The following SPI1 variants were observed in gnomAD, a reference collection of about 807,000 sequenced individuals.
The protein encoded by SPI1 is transcription factor PU.1.
SPI1 carries 3 observed loss-of-function variants against 30.7 expected under a neutral mutation model. The observed-to-expected ratio is 0.10, with a 90% CI of 0.04 to 0.25. The LOEUF is 0.25. Among genes scored for constraint, SPI1 ranks in the 10% least tolerant of loss-of-function variants. SPI1 has a pLI of 1.00. For missense variants in SPI1, 261 were observed against 371.5 expected (o/e 0.70, Z 2.45); for synonymous variants, 169 against 157.1 (o/e 1.08, Z -0.56).
chr11:47,376,112 C>T (rs982761497), intron 1 of SPI1, among the ~76,000 whole-genome samples: 5 of 152,004 alleles, frequency 3.3e-5, no homozygotes, highest in Non-Finnish European at 7.4e-5. Flanking sequence ...TAATCCCACA[C>T]GAGGACTCAC....
chr11:47,358,629 A>G (rs1367017270), intron 4 of SPI1: 1 of 706,816 alleles, frequency 1.4e-6, no homozygotes, highest in Non-Finnish European at 2.6e-6. Context: ...CACACCTGGC[A>G]CACTTCATGG....
rs749507809 is a variant in SPI1 at position 47,359,913 on chromosome 11, C to T, written c.270G>A (p.Leu90=). The T allele has an allele frequency of 6.2e-7, 1 of 1,611,084 alleles. No individual in the cohort carries two copies. The highest frequency in any genetic ancestry group is 1.7e-5 in the Admixed American group (1 of 60,006). Residue 90 remains leucine, a synonymous_variant, in exon 3 of 5, where the codon CTG becomes CTA. Transcript: ENST00000378538. This position sits in a 1 kb window ranked among gnomAD's most constrained non-coding sequence, Gnocchi z 5.1. The part of the protein sequence containing the change: ...QLQQLYRHME[L]EQMHVLDTPM... ...GGGTATCGAGGACGTGCATCTGCTC[C>T]AGCTCCATGTGGCGGTAGAGCTGCT...
chr11:47,368,821 A>G (rs921164666), intron 2 of SPI1, among the ~76,000 whole-genome samples: 17 of 152,234 alleles, frequency 1.1e-4, no homozygotes, highest in African/African-American at 4.1e-4. Flanking sequence ...CAAGATGAAA[A>G]TAATTATAGA....
At position 47,356,608 on chromosome 11, in the gene SPI1, C is replaced by T. The variant is rs528638068; in HGVS notation, c.494-1062G>A. Among the ~76,000 whole-genome samples, 56 of 151,600 alleles carry T rather than the reference C, an allele frequency of 3.7e-4. 1 individual carries two copies. The highest frequency in any genetic ancestry group is 1.2e-3 in the African/African-American group (50 of 41,260). On this transcript the variant is annotated intron_variant, in intron 4 of 4. Transcript: ENST00000378538. ...ACACCAGGTCTCATAATCACACCTG[C>T]TTATACTTGCTTACACATGCTTGCA...
At chr11:47,361,107 C>T (rs2095920145) in intron 2 of SPI1, among the ~76,000 whole-genome samples, 1 of 151,648 alleles carries the variant, frequency 6.6e-6, no homozygotes, top group African/African-American at 2.4e-5. Flanking sequence ...GGCGACGGAG[C>T]GAGACTCCGT....
In SPI1 at chr11:47,366,842, GAA is replaced by G. The variant is rs1470054231; in HGVS notation, c.143-6804_143-6803del. On this transcript the variant is annotated intron_variant, in intron 2 of 4. Transcript: ENST00000378538. ...GTCTCAAAAAGAAAAGAAAAGAAAA[GAA>G]AAGAAAAGAAACAGGCTCAGAGAAC... is the stretch of plus-strand genomic sequence containing the variant. Among the ~76,000 whole-genome samples the G allele has an allele frequency of 2.4e-4, 37 of 151,564 alleles. No individual in the cohort carries two copies. In the East Asian group the frequency reaches 2.5e-3, roughly 10 times the overall value.
Position 47,378,413 on chromosome 11 carries a change from TC to T in SPI1, c.-61del. 1 of 1,565,562 alleles carries T rather than the reference TC, an allele frequency of 6.4e-7. No homozygotes were observed. The highest frequency in any genetic ancestry group is 8.7e-7 in the Non-Finnish European group (1 of 1,149,722). On this transcript the variant is annotated 5_prime_UTR_variant, in exon 1 of 5. Coordinates refer to ENST00000378538, the MANE Select transcript of SPI1 (RefSeq NM_003120.3). ...TCGGTGGGGGCCAATGCAGAGCCCC[TC>T]AGGATGGGGTGCCCCGTCAGGGGCT...
rs556191578 is a variant in SPI1 at position 47,359,706 on chromosome 11, G to A, written c.330+147C>T. 4.6e-5 allele frequency: 37 copies of A among 807,124 alleles called. No homozygotes were observed. In the Middle Eastern group the frequency reaches 1.9e-3, roughly 41 times the overall value. The allele number at this position is 807,124 out of a possible 1,614,324, so 50.0% of individuals were successfully genotyped here. The stretch of plus-strand genomic sequence containing the variant: ...CATGAGGTCACTTGGGGGGTCAGGC[G>A]GCAGCCGTTGGAGCTCCAGCCGCCG... On this transcript the variant is annotated intron_variant, in intron 3 of 4. Transcript: ENST00000378538. The surrounding 1 kb of genome is among the most constrained non-coding windows in gnomAD (Gnocchi z 5.1).
intron 2 of SPI1, among the ~76,000 whole-genome samples, 189 bp from the exon 3 acceptor site, chr11:47,360,229 T>C (rs534109065): frequency 6.6e-6 from 1 of 152,230 alleles, no homozygotes; most frequent in Non-Finnish European, 1.5e-5. Context: ...AGCGGCTACA[T>C]AGCATGCCCA....
In SPI1 at chr11:47,374,585, G is replaced by A. The variant is rs1314723363; in HGVS notation, c.142+1048C>T. ...AGGAGTGACACCTTCCTAGGCTGTG[G>A]GCCTCTGCCCTCTGAGGTGCAGACA... On this transcript the variant is annotated intron_variant, in intron 2 of 4. Transcript: ENST00000378538. This position sits in a 1 kb window ranked among gnomAD's most constrained non-coding sequence, Gnocchi z 4.5. 6.6e-6 allele frequency among the ~76,000 whole-genome samples: 1 copy of A among 151,888 alleles called. No homozygotes were observed. The highest frequency in any genetic ancestry group is 1.9e-4 in the East Asian group (1 of 5,194).
At chr11:47,378,232 G>A in intron 1 of SPI1, 77 bp downstream of exon 1, 1 of 1,482,262 alleles carries the variant, frequency 6.7e-7, no homozygotes, top group Non-Finnish European at 9.4e-7. Context: ...GCAGTGGGTG[G>A]GCTGGCGGGT....
chr11:47,374,512 A>C lies in SPI1; in HGVS notation c.142+1121T>G, dbSNP rs1238683830. 6.6e-6 allele frequency among the ~76,000 whole-genome samples: 1 copy of C among 152,156 alleles called. No individual in the cohort carries two copies. Among genetic ancestry groups the C allele is most frequent in the Non-Finnish European group, 1.5e-5 (1 of 68,028 alleles). On this transcript the variant is annotated intron_variant, in intron 2 of 4. Transcript: ENST00000378538. The surrounding 1 kb of genome is among the most constrained non-coding windows in gnomAD (Gnocchi z 4.5). ...ATCAGGTTTAGACCGCCACAGGTGC[A>C]TCTGCAGAATGGAGCTACAGGCATG...
Position 47,358,913 on chromosome 11 carries a change from G to C in SPI1, c.424C>G (p.Pro142Ala). Residue 142 changes from proline (P) to alanine (A), a missense_variant, in exon 4 of 5, where the codon CCA becomes GCA. By Grantham distance (27) the Pro-to-Ala change is conservative. This residue lies in a region of SPI1 where 106 missense variants were observed against 102.0 expected (regional missense o/e 1.04). Coordinates refer to ENST00000378538, the MANE Select transcript of SPI1 (RefSeq NM_003120.3). ...GCCTCGCCGTCAGACACCTCCAGTG[G>C]GGGGCTCTGCCGCTCGCCCTCCTCC... The part of the protein sequence containing the change: ...DEEEGERQSP[P>A]LEVSDGEADG... 6.4e-7 allele frequency: 1 copy of C among 1,565,178 alleles called. No individual in the cohort carries two copies. Among genetic ancestry groups the C allele is most frequent in the Non-Finnish European group, 8.7e-7 (1 of 1,155,798 alleles).
chr11:47,357,301 C>T (rs1043119525), intron 4 of SPI1, among the ~76,000 whole-genome samples: 28 of 151,634 alleles, frequency 1.8e-4, no homozygotes, highest in African/African-American at 4.9e-4. Flanking sequence ...ATCACTCACA[C>T]GCTCACACCA....
chr11:47,355,162 C>T lies in SPI1; in HGVS notation c.*65G>A. 1.6e-6 allele frequency: 2 copies of T among 1,229,376 alleles called. No homozygotes were observed. Among genetic ancestry groups the T allele is most frequent in the African/African-American group, 3.2e-5 (2 of 62,776 alleles). The allele number at this position is 1,229,376 out of a possible 1,614,324, so 76.2% of individuals were successfully genotyped here. A position where few individuals can be genotyped will look rare whatever the true frequency, so the allele number is the denominator to read the frequency against. Reference sequence around the variant, plus strand: ...CGGGAGCGTCCTCCCTGTGTCCGGGCCGGGCGAGGGCTTAATGCTATGGCC... The same window carrying T: ...CGGGAGCGTCCTCCCTGTGTCCGGGTCGGGCGAGGGCTTAATGCTATGGCC... On this transcript the variant is annotated 3_prime_UTR_variant, in exon 5 of 5. Transcript: ENST00000378538.
intron 2 of SPI1, among the ~76,000 whole-genome samples, chr11:47,369,572 A>AC (rs397824434): frequency 6.7e-6 from 1 of 150,252 alleles, no homozygotes; most frequent in African/African-American, 2.5e-5. Context: ...AAAAAAAAAA[A>AC]CAACAAATGA....
chr11:47,376,707 G>A (rs372074492), intron 1 of SPI1, among the ~76,000 whole-genome samples: 12 of 151,850 alleles, frequency 7.9e-5, no homozygotes, highest in East Asian at 7.7e-4. Flanking sequence ...ACACAGGGCC[G>A]TGCACACCCA....
chr11:47,365,336 G>A (rs2095926730), intron 2 of SPI1, among the ~76,000 whole-genome samples: 1 of 152,124 alleles, frequency 6.6e-6, no homozygotes, highest in African/African-American at 2.4e-5. Context: ...CTACAGACCG[G>A]TAGGCACCCA....
intron 4 of SPI1, among the ~76,000 whole-genome samples, chr11:47,357,341 ACT>A (rs1296848591): frequency 2.9e-5 from 2 of 68,242 alleles, no homozygotes; most frequent in African/African-American, 5.2e-5. Flanking sequence ...ACACCTGCTC[ACT>A]CATATTTCAC....
Sources: allele counts gnomAD v4.1 joint callset (sites outside exome capture counted in the v4.1 genomes callset), GRCh38; gene constraint gnomAD v4.1.1; regional missense constraint gnomAD v4.1.1; non-coding constraint Gnocchi (gnomAD v3.1); transcripts MANE v1.5; gene names NCBI Gene and HGNC (gene_info 2026-07-23, HGNC 2026-07-21).